The following CD86 variants were observed in gnomAD, a reference collection of about 807,000 sequenced individuals.
The protein encoded by CD86 is T-lymphocyte activation antigen CD86.
CD86 carries 11 observed loss-of-function variants against 32.1 expected under a neutral mutation model. The observed-to-expected ratio is 0.34, with a 90% CI of 0.22 to 0.57. The LOEUF (loss-of-function observed/expected upper bound fraction) is 0.57, where lower values mean the gene tolerates loss of function less well. CD86 is among the 20% of genes least tolerant of loss of function. CD86 has a pLI of 0.86. For synonymous variants in CD86, 137 were observed against 135.3 expected (o/e 1.01, Z -0.09); for missense variants, 359 against 398.4 (o/e 0.90, Z 0.84).
intron 1 of CD86, among the ~76,000 whole-genome samples, chr3:122,089,191 T>C (rs1274892890): frequency 6.6e-6 from 1 of 152,188 alleles, no homozygotes; most frequent in African/African-American, 2.4e-5. Context: ...GAAGAGTTAT[T>C]GTTTAATAGG....
chr3:122,067,399 G>A (rs1419111464), intron 1 of CD86, among the ~76,000 whole-genome samples: 1 of 152,204 alleles, frequency 6.6e-6, no homozygotes, highest in Non-Finnish European at 1.5e-5. Context: ...GAAAGTGGAT[G>A]GTGAGGAAGA....
At chr3:122,091,711 A>G (rs2072826391) in intron 2 of CD86, 61 bp downstream of exon 2, 1 of 1,366,130 alleles carries the variant, frequency 7.3e-7, no homozygotes, top group Non-Finnish European at 1.0e-6. Context: ...GAGTCTGACC[A>G]CAGCAAGCCC....
intron 4 of CD86, among the ~76,000 whole-genome samples, chr3:122,107,856 C>A (rs1458754715): frequency 6.6e-6 from 1 of 152,256 alleles, no homozygotes; most frequent in Admixed American, 6.5e-5. Flanking sequence ...CTACTGACTT[C>A]TTCCTATTCA....
intron 1 of CD86, among the ~76,000 whole-genome samples, chr3:122,070,403 T>C (rs768659335): frequency 9.2e-5 from 14 of 152,142 alleles, no homozygotes; most frequent in Non-Finnish European, 2.1e-4. Flanking sequence ...GGAGGACATG[T>C]TAGAGGTTAT....
chr3:122,108,340 A>G (rs2073122888), intron 4 of CD86, among the ~76,000 whole-genome samples: 1 of 151,898 alleles, frequency 6.6e-6, no homozygotes, highest in Non-Finnish European at 1.5e-5. Context: ...ATAACCCCTA[A>G]CCCCCTTTAC....
In CD86 at chr3:122,116,177, C is replaced by T. The variant is rs556817226; in HGVS notation, c.848-1871C>T. ...GTCATCAATATGGAAAACTTTTGTTCTTTGACTTTGTTTAAAAAACGAAAA... is the reference window on the plus strand; with the variant it reads ...GTCATCAATATGGAAAACTTTTGTTTTTTGACTTTGTTTAAAAAACGAAAA... On this transcript the variant is annotated intron_variant, in intron 5 of 6. Transcript: ENST00000330540. Among the ~76,000 whole-genome samples the T allele has an allele frequency of 4.6e-5, 7 of 152,238 alleles. No individual in the cohort carries two copies. In the South Asian group the frequency reaches 1.4e-3, roughly 32 times the overall value.
intron 3 of CD86, 100 bp from the exon 4 acceptor site, chr3:122,106,098 G>T (rs2073087189): frequency 9.5e-6 from 8 of 844,646 alleles, no homozygotes; most frequent in Non-Finnish European, 1.4e-5. Context: ...TCCCAGGTGT[G>T]CCCCAATGAG....
intron 1 of CD86, among the ~76,000 whole-genome samples, chr3:122,090,719 T>C (rs992089155): frequency 6.6e-6 from 1 of 152,160 alleles, no homozygotes; most frequent in Non-Finnish European, 1.5e-5. Flanking sequence ...GCAGCCTTTT[T>C]GGTGCTAGTT....
intron 5 of CD86, among the ~76,000 whole-genome samples, chr3:122,109,969 A>T (rs2073148190): frequency 6.6e-6 from 1 of 152,224 alleles, no homozygotes; most frequent in Non-Finnish European, 1.5e-5. Context: ...CTCCACTAAT[A>T]AGAAAAAATG....
At chr3:122,094,604 G>A (rs1041606884) in intron 2 of CD86, among the ~76,000 whole-genome samples, 7 of 152,158 alleles carry the variant, frequency 4.6e-5, no homozygotes, top group East Asian at 1.9e-4. Context: ...CCACAGGGCC[G>A]GCTTCCAAAG....
At chr3:122,057,574 C>A (rs1022310903) in intron 1 of CD86, among the ~76,000 whole-genome samples, 7 of 151,972 alleles carry the variant, frequency 4.6e-5, no homozygotes, top group African/African-American at 1.5e-4. Flanking sequence ...CAATTTGAAT[C>A]CCATCTGTAG....
intron 1 of CD86, among the ~76,000 whole-genome samples, chr3:122,067,913 T>C (rs2072436824): frequency 6.6e-6 from 1 of 152,170 alleles, no homozygotes; most frequent in Admixed American, 6.5e-5. Context: ...AGCAGGGAGC[T>C]GCAAAAATTG....
chr3:122,099,081 G>T lies in CD86; in HGVS notation c.65-4431G>T, dbSNP rs192337168. On this transcript the variant is annotated intron_variant, in intron 2 of 6. Transcript: ENST00000330540. ...CTTGACAGTTGAATCCGTGGGGCTA[G>T]AGGAGAAAAACCAGGAAAGTATGGA... Among the ~76,000 whole-genome samples the T allele has an allele frequency of 1.6e-3, 243 of 152,312 alleles. 2 individuals are homozygous for T. The highest frequency in any genetic ancestry group is 2.3e-3 in the Non-Finnish European group (155 of 68,022).
At chr3:122,088,513 C>T (rs1232648369) in intron 1 of CD86, among the ~76,000 whole-genome samples, 3 of 152,168 alleles carry the variant, frequency 2.0e-5, no homozygotes, top group Non-Finnish European at 4.4e-5. Context: ...GTCTCCCTCC[C>T]TTCCAGCCAA....
intron 1 of CD86, among the ~76,000 whole-genome samples, chr3:122,073,673 C>T (rs1444612318): frequency 1.3e-5 from 2 of 152,114 alleles, no homozygotes; most frequent in African/African-American, 4.8e-5. Flanking sequence ...TGACAATCCT[C>T]CTTTATTGGC....
intron 1 of CD86, among the ~76,000 whole-genome samples, chr3:122,088,883 T>C (rs1300567403): frequency 6.6e-6 from 1 of 152,228 alleles, no homozygotes; most frequent in African/African-American, 2.4e-5. Flanking sequence ...TACAGCCTTG[T>C]TCATACCAGC....
intron 1 of CD86, among the ~76,000 whole-genome samples, chr3:122,082,657 C>T (rs1383154022): frequency 2.0e-5 from 3 of 152,210 alleles, no homozygotes; most frequent in Non-Finnish European, 4.4e-5. Context: ...ACTATTTCTC[C>T]TGTGTCCACT....
At position 122,066,405 on chromosome 3, in the gene CD86, T is replaced by C. The variant is rs1334020070; in HGVS notation, c.14+10902T>C. 2.0e-5 allele frequency among the ~76,000 whole-genome samples: 3 copies of C among 151,922 alleles called. No individual in the cohort carries two copies. In the East Asian group the frequency reaches 5.8e-4, roughly 29 times the overall value. ...AGGTGCCCAGCTGCTCAGCATTCTG[T>C]CCAAAAAAGGGACACTGACATCTCT... On this transcript the variant is annotated intron_variant, in intron 1 of 6. Transcript: ENST00000330540.
chr3:122,079,051 A>G (rs945886109), intron 1 of CD86, among the ~76,000 whole-genome samples: 1 of 152,226 alleles, frequency 6.6e-6, no homozygotes, highest in Non-Finnish European at 1.5e-5. Context: ...TCCAGGTACT[A>G]GGGACTTAAC....
Sources: gnomAD v4.1 joint callset for allele counts (sites outside exome capture counted in the v4.1 genomes callset) on GRCh38, gnomAD v4.1.1 for gene constraint, MANE v1.5 for transcripts, NCBI Gene and HGNC (gene_info 2026-07-23, HGNC 2026-07-21) for gene names.